Variants in DPP10 observed in about 807,000 individuals in gnomAD.
DPP10 encodes dipeptidyl peptidase like 10, also known as inactive dipeptidyl peptidase 10.
Under a neutral mutation model 120.9 loss-of-function variants are expected in DPP10, and 33 were observed. That is an observed-to-expected ratio of 0.27 (90% CI 0.21 to 0.37). The LOEUF (loss-of-function observed/expected upper bound fraction) is 0.37, where lower values mean the gene tolerates loss of function less well. DPP10 is among the 10% of genes least tolerant of loss of function. The probability of loss-of-function intolerance (pLI) is 1.00; values close to 1 mark genes in which losing one functional copy is unlikely to be tolerated. For synonymous variants in DPP10, 337 were observed against 326.1 expected (o/e 1.03, Z -0.36); for missense variants, 816 against 942.8 (o/e 0.87, Z 1.76).
chr2:115,501,200 G>A (rs887470102), intron 4 of DPP10, among the ~76,000 whole-genome samples: 7 of 151,914 alleles, frequency 4.6e-5, no homozygotes, highest in Non-Finnish European at 8.8e-5. Context: ...ATGTGGCTGT[G>A]CCTCATTAAA....
chr2:114,502,712 G>A (rs1412097487), intron 1 of DPP10, among the ~76,000 whole-genome samples: 1 of 152,164 alleles, frequency 6.6e-6, no homozygotes, highest in African/African-American at 2.4e-5. Context: ...CCATGTGGTA[G>A]TACCTAGTAA....
intron 5 of DPP10, among the ~76,000 whole-genome samples, chr2:115,531,576 T>A (rs995749854): frequency 6.6e-6 from 1 of 152,148 alleles, no homozygotes; most frequent in Non-Finnish European, 1.5e-5. Flanking sequence ...GGTTAATGTT[T>A]GATCTGTTTT....
At chr2:115,492,660 C>T (rs1038620917) in intron 3 of DPP10, among the ~76,000 whole-genome samples, 4 of 152,086 alleles carry the variant, frequency 2.6e-5, no homozygotes, top group Non-Finnish European at 5.9e-5. Context: ...CATATCAATG[C>T]AGACAGTTGA....
intron 1 of DPP10, among the ~76,000 whole-genome samples, chr2:114,470,976 G>A (rs1573422608): frequency 6.6e-6 from 1 of 152,202 alleles, no homozygotes; most frequent in Admixed American, 6.5e-5. Context: ...TAGGGACAGA[G>A]TAGCCTCTCA....
chr2:115,573,282 T>G (rs2081446223), intron 5 of DPP10, among the ~76,000 whole-genome samples: 1 of 144,344 alleles, frequency 6.9e-6, no homozygotes, highest in Non-Finnish European at 1.5e-5. Flanking sequence ...TGGGATTTTT[T>G]TTTTTTTTTT....
intron 1 of DPP10, among the ~76,000 whole-genome samples, chr2:114,880,609 G>A (rs1691522265): frequency 6.6e-6 from 1 of 152,162 alleles, no homozygotes; most frequent in Non-Finnish European, 1.5e-5. Context: ...TGGATTTTAA[G>A]TGGTGTGGTC....
At chr2:115,553,784 A>G (rs1004610953) in intron 5 of DPP10, among the ~76,000 whole-genome samples, 4 of 151,800 alleles carry the variant, frequency 2.6e-5, no homozygotes, top group African/African-American at 7.2e-5. Flanking sequence ...AGATGCTTAT[A>G]TAGATGTTTC....
intron 1 of DPP10, among the ~76,000 whole-genome samples, chr2:114,684,684 A>G (rs1260527923): frequency 6.6e-6 from 1 of 151,962 alleles, no homozygotes; most frequent in East Asian, 1.9e-4. Flanking sequence ...TGAGTCTGGT[A>G]TGCTTCAGAC....
intron 1 of DPP10, among the ~76,000 whole-genome samples, chr2:115,308,249 T>C (rs1323666011): frequency 6.6e-6 from 1 of 152,160 alleles, no homozygotes; most frequent in East Asian, 1.9e-4. Flanking sequence ...AAAGCGGCTC[T>C]ACGGCTTCTG....
At chr2:115,121,950 G>T (rs2049845462) in intron 1 of DPP10, among the ~76,000 whole-genome samples, 1 of 152,166 alleles carries the variant, frequency 6.6e-6, no homozygotes, top group Non-Finnish European at 1.5e-5. Flanking sequence ...AAGATTTGGG[G>T]GGATCAAAAT....
chr2:115,495,001 T>C (rs907036267), intron 3 of DPP10, among the ~76,000 whole-genome samples: 1 of 152,138 alleles, frequency 6.6e-6, no homozygotes, highest in Non-Finnish European at 1.5e-5. Context: ...TTTTTATTGT[T>C]ACATATGGAA....
At chr2:114,578,302 T>A (rs541770574) in intron 1 of DPP10, among the ~76,000 whole-genome samples, 58 of 152,354 alleles carry the variant, frequency 3.8e-4, no homozygotes, top group African/African-American at 1.3e-3. Flanking sequence ...GACAGCACTT[T>A]ACAAGCTGTG....
chr2:114,643,919 GTA>G lies in DPP10; in HGVS notation c.60+201097_60+201098del, dbSNP rs1164494200. ...TATGTGTGTATATATATATGTGTGT[GTA>G]TATATATATATATATTTTTTTTTTT... is the stretch of plus-strand genomic sequence containing the variant. On this transcript the variant is annotated intron_variant, in intron 1 of 25. Transcript: ENST00000410059. Among the ~76,000 whole-genome samples, 221 of 131,114 alleles carry G rather than the reference GTA, an allele frequency of 1.7e-3. 3 individuals are homozygous for G. Among genetic ancestry groups the G allele is most frequent in the African/African-American group, 3.5e-3 (119 of 33,666 alleles). The allele number at this position is 131,114 out of a possible 152,430, so 86.0% of individuals were successfully genotyped here. A position where few individuals can be genotyped will look rare whatever the true frequency, so the allele number is the denominator to read the frequency against.
At chr2:114,853,562 G>T (rs888291784) in intron 1 of DPP10, among the ~76,000 whole-genome samples, 5 of 152,054 alleles carry the variant, frequency 3.3e-5, no homozygotes, top group Admixed American at 2.0e-4. Flanking sequence ...TCTTTGAAAG[G>T]CCATCTCTGA....
intron 13 of DPP10, among the ~76,000 whole-genome samples, chr2:115,775,685 A>G (rs1682015024): frequency 6.6e-6 from 1 of 152,094 alleles, no homozygotes; most frequent in Non-Finnish European, 1.5e-5. Flanking sequence ...AATTTATGAC[A>G]TGGGTATCAT....
chr2:115,672,656 CTTTCTTTCTT>C (rs2089970619), intron 5 of DPP10, among the ~76,000 whole-genome samples: 1 of 123,634 alleles, frequency 8.1e-6, no homozygotes, highest in Non-Finnish European at 1.8e-5. Flanking sequence ...CTCTCTCTTT[CTTTCTTTCTT>C]TCTCTCTTTC....
intron 4 of DPP10, among the ~76,000 whole-genome samples, chr2:115,511,872 G>A (rs1046317366): frequency 2.0e-5 from 3 of 150,314 alleles, no homozygotes; most frequent in African/African-American, 4.9e-5. Flanking sequence ...CACTACAGAT[G>A]TGTGCCACCA....
At chr2:115,443,225 T>C (rs1460891272) in intron 3 of DPP10, among the ~76,000 whole-genome samples, 2 of 152,208 alleles carry the variant, frequency 1.3e-5, no homozygotes, top group Non-Finnish European at 2.9e-5. Context: ...TTGAGCACAG[T>C]TTTGTTGACT....
At chr2:114,911,977 G>A (rs745427534) in intron 1 of DPP10, among the ~76,000 whole-genome samples, 9 of 152,124 alleles carry the variant, frequency 5.9e-5, no homozygotes, top group Admixed American at 1.3e-4. Flanking sequence ...TGCACATTCA[G>A]GGCTTTTTGA....
Sources: gnomAD v4.1 joint callset for allele counts (sites outside exome capture counted in the v4.1 genomes callset) on GRCh38, gnomAD v4.1.1 for gene constraint, MANE v1.5 for transcripts, NCBI Gene and HGNC (gene_info 2026-07-23, HGNC 2026-07-21) for gene names.